BRD1: variants seen among roughly 807,000 people sequenced by gnomAD.
BRD1 encodes the protein bromodomain-containing protein 1.
In BRD1, 24 loss-of-function variants were observed where a neutral mutation model predicts 107.7. That is an observed-to-expected ratio of 0.22 (90% confidence interval 0.16 to 0.31). BRD1 has a LOEUF of 0.31. BRD1 is among the 10% of genes least tolerant of loss of function. The pLI is 1.00. For synonymous variants in BRD1, 744 were observed against 686.1 expected (o/e 1.08, Z -1.32); for missense variants, 1,279 against 1,638.6 (o/e 0.78, Z 3.79).
In BRD1 at chr22:49,824,928, G is replaced by T. The variant is rs1327256038; in HGVS notation, c.-14-597C>A. The T allele has an allele frequency of 1.8e-6, 1 of 562,052 alleles. No homozygotes were observed. Among genetic ancestry groups the T allele is most frequent in the Non-Finnish European group, 2.3e-6 (1 of 439,004 alleles). The allele number at this position is 562,052 out of a possible 1,614,324, so 34.8% of individuals were successfully genotyped here. A position where few individuals can be genotyped will look rare whatever the true frequency, so the allele number is the denominator to read the frequency against. ...AGGGGTAGGAGACAGATCACAGCCTGTCCATCCTCTATAGACAGGCCCTCC... is the reference window on the plus strand; with the variant it reads ...AGGGGTAGGAGACAGATCACAGCCTTTCCATCCTCTATAGACAGGCCCTCC... On this transcript the variant is annotated intron_variant, in intron 1 of 12. Coordinates refer to ENST00000404760, the MANE Select transcript of BRD1 (RefSeq NM_001304808.3). The surrounding 1 kb of genome is among the most constrained non-coding windows in gnomAD (Gnocchi z 5.9).
At position 49,787,388 on chromosome 22, in the gene BRD1, A is replaced by G; in HGVS notation, c.2857+2T>C. Reference sequence around the variant, plus strand: ...CCTCTCAGGGCCGCCCGCGGCATTTACCTGCGTCCAGGCGCTTTCCTGGGG... The same window carrying G: ...CCTCTCAGGGCCGCCCGCGGCATTTGCCTGCGTCCAGGCGCTTTCCTGGGG... On this transcript the variant is annotated splice_donor_variant, in intron 8 of 12. Transcript: ENST00000404760. LOFTEE classifies it high-confidence loss of function. 6.4e-7 allele frequency: 1 copy of G among 1,555,454 alleles called. No homozygotes were observed. The highest frequency in any genetic ancestry group is 8.7e-7 in the Non-Finnish European group (1 of 1,147,974).
chr22:49,826,382 C>G, intron 1 of BRD1: 1 of 430,982 alleles, frequency 2.3e-6, no homozygotes, highest in Non-Finnish European at 3.1e-6. Context: ...CAGGGCGACC[C>G]ACGACCTCCT....
At position 49,777,124 on chromosome 22, in the gene BRD1, G is replaced by A. The variant is rs1379525419; in HGVS notation, c.3031C>T (p.Leu1011Phe). The A allele has an allele frequency of 6.2e-7, 1 of 1,613,224 alleles. No homozygotes were observed. The highest frequency in any genetic ancestry group is 2.2e-5 in the East Asian group (1 of 44,898). ...TCCTCCAGCGTGTGCCGTCGCACAA[G>A]AGCCGGTTTGCCCCGCCCACATTTG... Reference protein sequence around the residue: ...APKCGRGKPALVRRHTLEDRS... With the variant: ...APKCGRGKPAFVRRHTLEDRS... The change falls in exon 10 of 13, where the codon CTT (leucine) becomes TTT (phenylalanine). Residue 1011 changes from leucine (L) to phenylalanine (F), a missense_variant. Physicochemically the swap from Leu to Phe is conservative, Grantham distance 22. Around this residue, in one of 7 missense-constraint regions of BRD1, gnomAD observed 263 missense variants for 251.6 expected, o/e 1.05. Coordinates refer to ENST00000404760, the MANE Select transcript of BRD1 (RefSeq NM_001304808.3).
chr22:49,787,626 G>C lies in BRD1; in HGVS notation c.2621C>G (p.Ala874Gly), dbSNP rs907221311. 2 of 1,551,096 alleles carry C rather than the reference G, an allele frequency of 1.3e-6. No individual in the cohort carries two copies. Among genetic ancestry groups the C allele is most frequent in the Non-Finnish European group, 1.7e-6 (2 of 1,147,170 alleles). ...AAAASAVAEPASDVNRRTSVL... is the reference protein window; with the variant it reads ...AAAASAVAEPGSDVNRRTSVL... ...AGAAGTGCGTCTGTTTACATCGCTTGCTGGCTCCGCCACCGCGGAGGCCGC... is the reference window on the plus strand; with the variant it reads ...AGAAGTGCGTCTGTTTACATCGCTTCCTGGCTCCGCCACCGCGGAGGCCGC... The change falls in exon 8 of 13, where the codon GCA (alanine) becomes GGA (glycine). Residue 874 changes from alanine (A) to glycine (G), a missense_variant. Physicochemically the swap from Ala to Gly is moderately conservative, Grantham distance 60. Transcript: ENST00000404760.
At chr22:49,819,946 A>G (rs1356140037) in intron 2 of BRD1, among the ~76,000 whole-genome samples, 3 of 150,702 alleles carry the variant, frequency 2.0e-5, no homozygotes, top group African/African-American at 4.9e-5. Context: ...CCTGGCCAAC[A>G]TGGTGAAACC....
rs958512488 is a variant in BRD1 at position 49,777,695 on chromosome 22, G to A, written c.2976C>T (p.Ser992=). The A allele has an allele frequency of 1.9e-6, 3 of 1,607,840 alleles. No homozygotes were observed. Among genetic ancestry groups the A allele is most frequent in the East Asian group, 4.5e-5 (2 of 44,752 alleles). The change falls in exon 9 of 13, where the codon AGC becomes AGT. Residue 992 remains serine, a synonymous_variant. Coordinates refer to ENST00000404760, the MANE Select transcript of BRD1 (RefSeq NM_001304808.3). ...GTGCCCACCTCGAGTCGCAGAGCGG[G>A]CTGTTGCTGGAGGAGATGCTGGACT... ...ASESSISSSN[S]PLCDSSFNAP...
intron 3 of BRD1, among the ~76,000 whole-genome samples, chr22:49,801,439 G>A (rs1367592841): frequency 6.6e-6 from 1 of 152,238 alleles, no homozygotes; most frequent in Non-Finnish European, 1.5e-5. Context: ...CAGAGACACA[G>A]AGGAATCAAA....
chr22:49,813,828 A>T (rs949552921), intron 2 of BRD1, among the ~76,000 whole-genome samples: 3 of 129,688 alleles, frequency 2.3e-5, no homozygotes, highest in Admixed American at 7.3e-5. Context: ...GACTCCATTT[A>T]AAAAAAAAAA....
At chr22:49,804,429 T>A in intron 2 of BRD1, 69 bp from the exon 3 acceptor site, 3 of 1,502,478 alleles carry the variant, frequency 2.0e-6, no homozygotes, top group Non-Finnish European at 2.7e-6. Flanking sequence ...AAACTAGAAA[T>A]GACAGTACTA....
At chr22:49,796,154 A>C (rs1434680935) in intron 6 of BRD1, among the ~76,000 whole-genome samples, 6 of 151,036 alleles carry the variant, frequency 4.0e-5, no homozygotes, top group Admixed American at 4.0e-4. Context: ...GTAGTGGCGT[A>C]ATCTCGGCTC....
Position 49,776,164 on chromosome 22 carries a change from G to A in BRD1, c.3122-5C>T, listed in dbSNP as rs372337128. The A allele has an allele frequency of 4.7e-5, 76 of 1,602,326 alleles. No homozygotes were observed. The highest frequency in any genetic ancestry group is 1.2e-4 in the African/African-American group (9 of 74,948). On this transcript the variant is annotated splice_polypyrimidine_tract_variant and splice_region_variant and intron_variant, in intron 10 of 12. Transcript: ENST00000404760. Reference sequence around the variant, plus strand: ...ACATGCTGCTCTGGCCGACTTCTGCGGAGAGGGGCGTCAGCAGGACACAGG... The same window carrying A: ...ACATGCTGCTCTGGCCGACTTCTGCAGAGAGGGGCGTCAGCAGGACACAGG...
chr22:49,798,954 T>TG, intron 4 of BRD1, 34 bp downstream of exon 4: 1 of 1,574,900 alleles, frequency 6.3e-7, no homozygotes, highest in Non-Finnish European at 8.6e-7. Context: ...CCGTGGCCAG[T>TG]GGTGCACTCC....
Position 49,781,021 on chromosome 22 carries a change from G to A in BRD1, c.2858-3208C>T, listed in dbSNP as rs1049946024. Among the ~76,000 whole-genome samples the A allele has an allele frequency of 3.0e-4, 46 of 152,200 alleles. 1 individual carries two copies. Among genetic ancestry groups the A allele is most frequent in the Admixed American group, 7.2e-4 (11 of 15,284 alleles). ...CAGCACGAGGTTTTTTTTTAACGCT[G>A]AAAGTAAAGCTGGTGACTGTGAGAA... On this transcript the variant is annotated intron_variant, in intron 8 of 12. Coordinates refer to ENST00000404760, the MANE Select transcript of BRD1 (RefSeq NM_001304808.3).
At chr22:49,821,400 C>G (rs1306481781) in intron 2 of BRD1, among the ~76,000 whole-genome samples, 1 of 152,210 alleles carries the variant, frequency 6.6e-6, no homozygotes, top group Admixed American at 6.5e-5. Flanking sequence ...GAAATCCAAG[C>G]AAAACCATCT....
rs2060112756 is a variant in BRD1, at chr22:49,823,800, C to A, written c.518G>T (p.Arg173Leu). The A allele has an allele frequency of 6.2e-7, 1 of 1,614,114 alleles. No individual in the cohort carries two copies. The highest frequency in any genetic ancestry group is 8.5e-7 in the Non-Finnish European group (1 of 1,180,038). The change falls in exon 2 of 13, where the codon CGC (arginine) becomes CTC (leucine). Residue 173 changes from arginine to leucine, a missense_variant. Transcript: ENST00000404760. ...CACGGCGGGGACGCAGTCGCCCTTG[C>A]GCTTCTCATTGACGATCTCCAGCCA... ...YAWLEIVNEK[R>L]KGDCVPAVSQ...
intron 5 of BRD1, 60 bp downstream of exon 5, chr22:49,798,498 C>A: frequency 6.2e-7 from 1 of 1,613,558 alleles, no homozygotes; most frequent in Non-Finnish European, 8.5e-7. Flanking sequence ...CCCGGTCAAA[C>A]GGCAGCACAA....
chr22:49,797,883 C>T lies in BRD1; in HGVS notation c.2020G>A (p.Gly674Ser), dbSNP rs1299311239. 6.8e-6 allele frequency: 11 copies of T among 1,613,760 alleles called. No homozygotes were observed. Among genetic ancestry groups the T allele is most frequent in the Non-Finnish European group, 5.9e-6 (7 of 1,180,042 alleles). The change falls in exon 6 of 13, where the codon GGC (glycine) becomes AGC (serine). Residue 674 changes from glycine to serine, a missense_variant. Gly to Ser is a moderately conservative substitution (Grantham distance 56). Transcript: ENST00000404760. ...TGCATCCCCGAGGCCTCTTCCAAGCCGATGCTGTCCACCTCGCGCCGGGCC... is the reference window on the plus strand; with the variant it reads ...TGCATCCCCGAGGCCTCTTCCAAGCTGATGCTGTCCACCTCGCGCCGGGCC... ...RQARREVDSI[G>S]LEEASGMHLP...
At chr22:49,826,779 C>A (rs1314753305) in intron 1 of BRD1, among the ~76,000 whole-genome samples, 4 of 152,218 alleles carry the variant, frequency 2.6e-5, no homozygotes, top group African/African-American at 9.6e-5. Context: ...CAGACACGGG[C>A]GGCCGCGCTT....
At chr22:49,813,765 G>A (rs1271196216) in intron 2 of BRD1, among the ~76,000 whole-genome samples, 2 of 151,688 alleles carry the variant, frequency 1.3e-5, no homozygotes, top group Non-Finnish European at 2.9e-5. Flanking sequence ...GGAGGCGGAG[G>A]CTGCAGTGAG....
Sources: gnomAD v4.1 joint callset for allele counts (sites outside exome capture counted in the v4.1 genomes callset) on GRCh38, gnomAD v4.1.1 for gene constraint, gnomAD v4.1.1 regional missense constraint, Gnocchi (gnomAD v3.1) non-coding constraint, MANE v1.5 for transcripts, NCBI Gene and HGNC (gene_info 2026-07-23, HGNC 2026-07-21) for gene names.